LAMA4: variants seen among roughly 807,000 people sequenced by gnomAD.
LAMA4 encodes laminin subunit alpha-4.
LAMA4 carries 127 observed loss-of-function variants against 207.1 expected under a neutral mutation model. The ratio of observed to expected loss-of-function variants is 0.61; its 90% CI spans 0.53 to 0.71. LAMA4 has a LOEUF of 0.71. Ranked by LOEUF, LAMA4 falls within the 30% of genes least tolerant of loss-of-function variation. The pLI is 0.00. For synonymous variants in LAMA4, 761 were observed against 816.0 expected (o/e 0.93, Z 1.15); for missense variants, 2,093 against 2,246.5 (o/e 0.93, Z 1.38).
rs995187467 is a variant in LAMA4 at position 112,134,388 on chromosome 6, A to G, written c.3557+79T>C. 24 of 1,426,054 alleles carry G rather than the reference A, an allele frequency of 1.7e-5. No homozygotes were observed. The African/African-American group carries it at 2.4e-4, about 14-fold the overall frequency. 88.3% of individuals were successfully genotyped at this position (1,426,054 alleles called of 1,614,324 possible). A position where few individuals can be genotyped will look rare whatever the true frequency, so the allele number is the denominator to read the frequency against. ...AAAAGTAGCAAGTAAGGGTGCGTAC[A>G]CTGTTACTAGACCTCTCCTGGATGT... On this transcript the variant is annotated intron_variant, in intron 26 of 38. Coordinates refer to ENST00000230538, the MANE Select transcript of LAMA4 (RefSeq NM_001105206.3).
chr6:112,142,299 T>C lies in LAMA4; in HGVS notation c.2494-7A>G. 6.2e-7 allele frequency: 1 copy of C among 1,613,840 alleles called. No individual in the cohort carries two copies. Among genetic ancestry groups the C allele is most frequent in the Non-Finnish European group, 8.5e-7 (1 of 1,179,874 alleles). ...ACATCATGGAGACTTGGATCTGGAG[T>C]GACACAACGGTTTCATTAAAAGTGC... On this transcript the variant is annotated splice_region_variant and splice_polypyrimidine_tract_variant and intron_variant, in intron 19 of 38. Transcript: ENST00000230538.
chr6:112,209,193 A>G (rs149845808), intron 3 of LAMA4, among the ~76,000 whole-genome samples: 59 of 152,294 alleles, frequency 3.9e-4, no homozygotes, highest in African/African-American at 1.4e-3. Flanking sequence ...GGCTGGGGTT[A>G]AATTTGTCTG....
chr6:112,134,351 G>C, intron 26 of LAMA4, 116 bp downstream of exon 26: 1 of 990,646 alleles, frequency 1.0e-6, no homozygotes, highest in Non-Finnish European at 1.6e-6. Flanking sequence ...ACCTGTGCCT[G>C]TCCCTGTGTG....
chr6:112,216,656 A>G (rs1784643365), intron 2 of LAMA4, 187 bp from the exon 3 acceptor site: 1 of 602,836 alleles, frequency 1.7e-6, no homozygotes, highest in South Asian at 1.9e-5. Context: ...TAGATGATGT[A>G]TATATAATCT....
At chr6:112,171,535 A>C (rs1554341721) in intron 12 of LAMA4, 2 of 153,896 alleles carry the variant, frequency 1.3e-5, no homozygotes, top group Admixed American at 1.3e-4. Flanking sequence ...TCAGATAGTA[A>C]ACCTGGGAGG....
At chr6:112,152,303 G>A (rs1451099194) in intron 16 of LAMA4, among the ~76,000 whole-genome samples, 2 of 152,046 alleles carry the variant, frequency 1.3e-5, no homozygotes, top group South Asian at 2.1e-4. Flanking sequence ...GGTAGGGATC[G>A]ATTAGTGGTT....
At chr6:112,164,522 G>A (rs1219327427) in intron 13 of LAMA4, among the ~76,000 whole-genome samples, 6 of 152,134 alleles carry the variant, frequency 3.9e-5, no homozygotes, top group Non-Finnish European at 5.9e-5. Context: ...TCATCCATAT[G>A]GATTTTGCTG....
intron 19 of LAMA4, 68 bp downstream of exon 19, chr6:112,144,726 A>G: frequency 6.4e-7 from 1 of 1,564,756 alleles, no homozygotes; most frequent in South Asian, 1.1e-5. Flanking sequence ...GAAGCTGCCC[A>G]AGCAGTTGGA....
chr6:112,187,622 CAG>C (rs1782770397), intron 7 of LAMA4, 21 bp from the exon 8 acceptor site: 1 of 1,612,224 alleles, frequency 6.2e-7, no homozygotes, highest in Non-Finnish European at 8.5e-7. Flanking sequence ...AACATTTCTT[CAG>C]AATCACAAGT....
At chr6:112,192,337 G>C (rs1309714468) in intron 5 of LAMA4, among the ~76,000 whole-genome samples, 2 of 152,226 alleles carry the variant, frequency 1.3e-5, no homozygotes, top group African/African-American at 4.8e-5. Flanking sequence ...GGCTGAAAGG[G>C]ATTGACTCAG....
At chr6:112,109,669 G>T (rs1398793237) in intron 38 of LAMA4, 87 bp from the exon 39 acceptor site, 1 of 1,296,858 alleles carries the variant, frequency 7.7e-7, no homozygotes, top group Non-Finnish European at 1.1e-6. Flanking sequence ...ATACATATTT[G>T]CTCATATCAT....
intron 17 of LAMA4, among the ~76,000 whole-genome samples, chr6:112,149,595 T>A (rs1780252960): frequency 6.6e-6 from 1 of 152,144 alleles, no homozygotes; most frequent in Non-Finnish European, 1.5e-5. Flanking sequence ...ATGACTGTAG[T>A]TTTCCTGAGG....
At chr6:112,156,556 C>T (rs549244250) in intron 14 of LAMA4, among the ~76,000 whole-genome samples, 12 of 152,160 alleles carry the variant, frequency 7.9e-5, no homozygotes, top group Non-Finnish European at 1.6e-4. Flanking sequence ...CCTCCACTTC[C>T]GCAGTTCGTC....
chr6:112,194,878 T>C (rs1240160742), intron 5 of LAMA4, among the ~76,000 whole-genome samples: 1 of 152,182 alleles, frequency 6.6e-6, no homozygotes, highest in Non-Finnish European at 1.5e-5. Flanking sequence ...AGTCTATTAA[T>C]GACTTGATCC....
In LAMA4 at chr6:112,216,357, C is replaced by G. The variant is rs782575264; in HGVS notation, c.297+11G>C. The G allele has an allele frequency of 2.4e-5, 38 of 1,565,936 alleles. No homozygotes were observed. The Admixed American group carries it at 3.5e-4, about 14-fold the overall frequency. ...TGAAGTACGTGAAGTGTTATAGGTGCCCCAACTTACCACACAGTATCCTGA... is the reference window on the plus strand; with the variant it reads ...TGAAGTACGTGAAGTGTTATAGGTGGCCCAACTTACCACACAGTATCCTGA... On this transcript the variant is annotated intron_variant, in intron 3 of 38. Coordinates refer to ENST00000230538, the MANE Select transcript of LAMA4 (RefSeq NM_001105206.3).
rs554777408 is a variant in LAMA4 at position 112,188,468 on chromosome 6, G to T, written c.814+642C>A. ...GGCATCTTCTAAGATGTAATCCAATGGTAAGGTTAATCTCGTCTGCTCCGA... is the reference window on the plus strand; with the variant it reads ...GGCATCTTCTAAGATGTAATCCAATTGTAAGGTTAATCTCGTCTGCTCCGA... On this transcript the variant is annotated intron_variant, in intron 7 of 38. Coordinates refer to ENST00000230538, the MANE Select transcript of LAMA4 (RefSeq NM_001105206.3). Among the ~76,000 whole-genome samples, 141 of 152,268 alleles carry T rather than the reference G, an allele frequency of 9.3e-4. 2 individuals carry two copies. The highest frequency in any genetic ancestry group is 1.2e-3 in the Non-Finnish European group (85 of 68,024).
chr6:112,203,743 C>T (rs1554353276), intron 4 of LAMA4, among the ~76,000 whole-genome samples: 1 of 152,184 alleles, frequency 6.6e-6, no homozygotes, highest in African/African-American at 2.4e-5. Flanking sequence ...TTACCAATTC[C>T]TCCCTACTCC....
chr6:112,206,040 C>G (rs1554354063), intron 4 of LAMA4, among the ~76,000 whole-genome samples: 1 of 152,196 alleles, frequency 6.6e-6, no homozygotes, highest in African/African-American at 2.4e-5. Flanking sequence ...CTGCTCTATG[C>G]ATCACTTCCA....
At chr6:112,206,155 A>C (rs73542527) in intron 4 of LAMA4, among the ~76,000 whole-genome samples, 8,337 of 152,206 alleles carry the variant, frequency 0.055, 721 homozygotes, top group African/African-American at 0.19. Flanking sequence ...ACCTGAGGAG[A>C]GGTTGAGGGA....
Sources: allele counts gnomAD v4.1 joint callset (sites outside exome capture counted in the v4.1 genomes callset), GRCh38; gene constraint gnomAD v4.1.1; transcripts MANE v1.5; gene names NCBI Gene and HGNC (gene_info 2026-07-23, HGNC 2026-07-21).